RIMS4: variants seen among roughly 807,000 people sequenced by gnomAD.
The protein encoded by RIMS4 is regulating synaptic membrane exocytosis protein 4.
RIMS4 carries 9 observed loss-of-function variants against 29.0 expected under a neutral mutation model. The ratio of observed to expected loss-of-function variants is 0.31; its 90% confidence interval spans 0.19 to 0.54. RIMS4 has a LOEUF of 0.54. Among genes scored for constraint, RIMS4 ranks in the 20% least tolerant of loss-of-function variants. The pLI, the probability that RIMS4 is intolerant of heterozygous loss-of-function variation, is 0.94. For synonymous variants in RIMS4, 130 were observed against 152.9 expected, an observed-to-expected ratio of 0.85 and a Z score of 1.10; for missense variants, 193 against 365.7, an observed-to-expected ratio of 0.53 and a Z score of 3.85.
At chr20:44,771,508 TG>T in intron 1 of RIMS4, 95 bp from the exon 2 acceptor site, 1 of 1,410,074 alleles carries the variant, frequency 7.1e-7, no homozygotes, top group Non-Finnish European at 9.7e-7. Context: ...TTTCAGCAGC[TG>T]GGGGCTGTCC....
chr20:44,758,157 C>T lies in RIMS4; in HGVS notation c.264G>A (p.Ala88=), dbSNP rs138515435. The T allele has an allele frequency of 3.5e-5, 57 of 1,613,490 alleles. No homozygotes were observed. Among genetic ancestry groups the T allele is most frequent in the Middle Eastern group, 3.3e-4 (2 of 6,060 alleles). ...GGAAGTCACTGAACTGGGCGTCCGA[C>T]GCCAGGCAAACTCCTCCATAGTTAA... ...GNLNYGGVCL[A]SDAQFSDFLG... The change falls in exon 3 of 6, where the codon GCG becomes GCA. Residue 88 remains alanine (A), a synonymous_variant. Coordinates refer to ENST00000372851, the MANE Select transcript of RIMS4 (RefSeq NM_182970.4).
chr20:44,777,391 C>T (rs1601029914), intron 1 of RIMS4, among the ~76,000 whole-genome samples: 1 of 152,156 alleles, frequency 6.6e-6, no homozygotes, highest in Non-Finnish European at 1.5e-5. Context: ...GATAATAAAA[C>T]GATGATAAAT....
intron 1 of RIMS4, among the ~76,000 whole-genome samples, chr20:44,782,974 A>G (rs182664546): frequency 1.3e-5 from 2 of 152,326 alleles, no homozygotes; most frequent in East Asian, 1.9e-4. Context: ...ACTGAACTCA[A>G]TGACATAACA....
intron 1 of RIMS4, among the ~76,000 whole-genome samples, chr20:44,791,403 C>T (rs1051342958): frequency 2.0e-5 from 3 of 152,186 alleles, no homozygotes; most frequent in African/African-American, 7.2e-5. Context: ...GGGGAATTAC[C>T]TAATTTCTTC....
intron 2 of RIMS4, among the ~76,000 whole-genome samples, chr20:44,761,460 G>A (rs1035283742): frequency 2.6e-5 from 4 of 152,164 alleles, no homozygotes; most frequent in Admixed American, 1.3e-4. Context: ...TGTGGCACAG[G>A]GCAGGCTGGA....
intron 2 of RIMS4, among the ~76,000 whole-genome samples, chr20:44,765,676 T>TG (rs2066110347): frequency 6.6e-6 from 1 of 152,086 alleles, no homozygotes; most frequent in South Asian, 2.1e-4. Flanking sequence ...GAAACAGCCT[T>TG]GGTAGAACCG....
intron 1 of RIMS4, 147 bp from the exon 2 acceptor site, chr20:44,771,560 T>A (rs2066137673): frequency 2.7e-6 from 2 of 734,302 alleles, no homozygotes. Context: ...CTCCTCAGAC[T>A]CCTGGCCTCA....
chr20:44,785,359 C>T (rs997331024), intron 1 of RIMS4, among the ~76,000 whole-genome samples: 1 of 152,012 alleles, frequency 6.6e-6, no homozygotes, highest in African/African-American at 2.4e-5. Flanking sequence ...CGGTACTACA[C>T]ACCACCAAGC....
At chr20:44,806,524 T>C (rs1442291112) in intron 1 of RIMS4, among the ~76,000 whole-genome samples, 1 of 152,234 alleles carries the variant, frequency 6.6e-6, no homozygotes, top group Non-Finnish European at 1.5e-5. Flanking sequence ...ACTGTAATGA[T>C]GCAATAAGAT....
chr20:44,810,108 G>C, intron 1 of RIMS4, 67 bp downstream of exon 1: 1 of 981,016 alleles, frequency 1.0e-6, no homozygotes. Context: ...GCACGGGTCG[G>C]GGAGGGGGCT....
At chr20:44,784,626 C>T (rs1601034806) in intron 1 of RIMS4, among the ~76,000 whole-genome samples, 1 of 152,250 alleles carries the variant, frequency 6.6e-6, no homozygotes, top group African/African-American at 2.4e-5. Flanking sequence ...TCCACTAAGG[C>T]TTCTCAAGAA....
intron 1 of RIMS4, among the ~76,000 whole-genome samples, chr20:44,796,824 G>A (rs1411524912): frequency 3.9e-5 from 6 of 152,230 alleles, no homozygotes; most frequent in African/African-American, 1.2e-4. Flanking sequence ...TGGAAGAGCT[G>A]TAAATATGAA....
intron 1 of RIMS4, among the ~76,000 whole-genome samples, chr20:44,793,936 G>A (rs2066243887): frequency 6.6e-6 from 1 of 152,172 alleles, no homozygotes; most frequent in East Asian, 1.9e-4. Context: ...GGGCAGGCTG[G>A]CATGTACCTG....
At chr20:44,796,055 C>G (rs1016097948) in intron 1 of RIMS4, among the ~76,000 whole-genome samples, 2 of 151,616 alleles carry the variant, frequency 1.3e-5, no homozygotes, top group Admixed American at 1.3e-4. Context: ...CCATCACTAT[C>G]AAGTCTGTGT....
Position 44,752,324 on chromosome 20 carries a change from C to A in RIMS4, c.*3810G>T, listed in dbSNP as rs1038692351. 6.6e-6 allele frequency: 1 copy of A among 152,304 alleles called. No homozygotes were observed. The highest frequency in any genetic ancestry group is 1.5e-5 in the Non-Finnish European group (1 of 68,118). 9.4% of individuals were successfully genotyped at this position (152,304 alleles called of 1,614,324 possible). A position where few individuals can be genotyped will look rare whatever the true frequency, so the allele number is the denominator to read the frequency against. On this transcript the variant is annotated 3_prime_UTR_variant, in exon 6 of 6. Transcript: ENST00000372851. The stretch of plus-strand genomic sequence containing the variant: ...ATGCAGGTGACCTTGCCTGACGCAA[C>A]AGCTGTGCCTCCAGAGGGGGTGGGA...
chr20:44,768,098 C>G (rs2066121631), intron 2 of RIMS4, among the ~76,000 whole-genome samples: 1 of 152,140 alleles, frequency 6.6e-6, no homozygotes, highest in African/African-American at 2.4e-5. Flanking sequence ...AACCCACAGG[C>G]ACCCCTTCCC....
chr20:44,773,559 C>T (rs763853899), intron 1 of RIMS4, among the ~76,000 whole-genome samples: 1 of 152,108 alleles, frequency 6.6e-6, no homozygotes, highest in African/African-American at 2.4e-5. Context: ...CAGCACACAC[C>T]TGCCTCGGCT....
At chr20:44,805,489 A>C (rs954288849) in intron 1 of RIMS4, among the ~76,000 whole-genome samples, 13 of 151,984 alleles carry the variant, frequency 8.6e-5, no homozygotes, top group African/African-American at 2.9e-4. Context: ...GTCAGGAAGA[A>C]GTGAGAGAGG....
intron 1 of RIMS4, among the ~76,000 whole-genome samples, chr20:44,789,670 G>A (rs889097820): frequency 2.0e-5 from 3 of 151,916 alleles, no homozygotes; most frequent in Non-Finnish European, 4.4e-5. Context: ...ATCGTCGTAC[G>A]TCAGCCTCCT....
Sources: allele counts gnomAD v4.1 joint callset (sites outside exome capture counted in the v4.1 genomes callset), GRCh38; gene constraint gnomAD v4.1.1; transcripts MANE v1.5; gene names NCBI Gene and HGNC (gene_info 2026-07-23, HGNC 2026-07-21).